The following RALA variants were observed in gnomAD, a reference collection of about 807,000 sequenced individuals.
RALA encodes the protein RAS like proto-oncogene A, also known as ras-related protein Ral-A.
Under a neutral mutation model 24.0 loss-of-function variants are expected in RALA, and 5 were observed. That is an observed-to-expected ratio of 0.21 (90% CI 0.11 to 0.44). The LOEUF is 0.44. RALA is among the 20% of genes least tolerant of loss of function. The probability of loss-of-function intolerance (pLI) is 0.99; values close to 1 mark genes in which losing one functional copy is unlikely to be tolerated. For missense variants in RALA, 95 were observed against 241.2 expected (o/e 0.39, Z 4.01); for synonymous variants, 77 against 83.8 (o/e 0.92, Z 0.44).
chr7:39,707,275 G>C lies in RALA; in HGVS notation c.*1030G>C, dbSNP rs1793134627. 1 of 152,194 alleles carries C rather than the reference G, an allele frequency of 6.6e-6. No homozygotes were observed. Among genetic ancestry groups the C allele is most frequent in the South Asian group, 2.1e-4 (1 of 4,824 alleles). The allele number at this position is 152,194 out of a possible 1,614,324, so 9.4% of individuals were successfully genotyped here. On this transcript the variant is annotated 3_prime_UTR_variant, in exon 5 of 5. Transcript: ENST00000005257. ...AGCAGGGCATAGGAAGAAAATGTCA[G>C]TAGTGCTAATGCATTTTGCACTAGA...
intron 1 of RALA, among the ~76,000 whole-genome samples, chr7:39,641,340 T>G (rs773313234): frequency 6.6e-6 from 1 of 152,260 alleles, no homozygotes; most frequent in Non-Finnish European, 1.5e-5. Flanking sequence ...ATTTTCATAT[T>G]GAAACAAACA....
chr7:39,627,005 G>A (rs1440734672), intron 1 of RALA, among the ~76,000 whole-genome samples: 1 of 133,222 alleles, frequency 7.5e-6, no homozygotes, highest in African/African-American at 3.0e-5. Context: ...TCCCTCCTAA[G>A]CCTGTGCACT....
intron 3 of RALA, among the ~76,000 whole-genome samples, chr7:39,691,751 A>G (rs1221592454): frequency 6.6e-6 from 1 of 152,204 alleles, no homozygotes; most frequent in Non-Finnish European, 1.5e-5. Flanking sequence ...GGTTTCTATG[A>G]GGAAGAAATT....
Position 39,685,456 on chromosome 7 carries a change from A to G in RALA, c.-37-1175A>G, listed in dbSNP as rs80259875. ...AACAAGTCAAAGAGTTGCTGAGGACAAGGGGTGCAACCCCCTCAACCCCCA... is the reference window on the plus strand; with the variant it reads ...AACAAGTCAAAGAGTTGCTGAGGACGAGGGGTGCAACCCCCTCAACCCCCA... On this transcript the variant is annotated intron_variant, in intron 1 of 4. Transcript: ENST00000005257. 8.3e-3 allele frequency among the ~76,000 whole-genome samples: 1,261 copies of G among 152,340 alleles called. 14 individuals carry two copies. Among genetic ancestry groups the G allele is most frequent in the African/African-American group, 0.028 (1,182 of 41,572 alleles).
intron 1 of RALA, among the ~76,000 whole-genome samples, chr7:39,682,544 A>G (rs1383174358): frequency 6.6e-6 from 1 of 152,158 alleles, no homozygotes; most frequent in African/African-American, 2.4e-5. Context: ...GCTTTTTGTG[A>G]TTTGGCCTCT....
intron 2 of RALA, among the ~76,000 whole-genome samples, chr7:39,688,171 AG>A (rs1792742555): frequency 6.6e-6 from 1 of 152,220 alleles, no homozygotes; most frequent in Non-Finnish European, 1.5e-5. Context: ...GGGAAGGCGT[AG>A]GCTGGAGAAT....
chr7:39,633,533 A>G (rs1426020663), intron 1 of RALA, among the ~76,000 whole-genome samples: 1 of 152,212 alleles, frequency 6.6e-6, no homozygotes, highest in Non-Finnish European at 1.5e-5. Flanking sequence ...AACTGCTTCC[A>G]TGATCCAGTC....
intron 1 of RALA, among the ~76,000 whole-genome samples, chr7:39,651,241 G>T (rs564067769): frequency 6.6e-6 from 1 of 152,222 alleles, no homozygotes; most frequent in Non-Finnish European, 1.5e-5. Flanking sequence ...GGTAGGCTAG[G>T]TGTATTAAAT....
At chr7:39,704,104 T>C (rs887944197) in intron 4 of RALA, among the ~76,000 whole-genome samples, 1 of 147,234 alleles carries the variant, frequency 6.8e-6, no homozygotes, top group Non-Finnish European at 1.5e-5. Context: ...AGGCAGAGGT[T>C]GCAGTGAGCT....
intron 1 of RALA, among the ~76,000 whole-genome samples, chr7:39,647,137 G>T (rs1791939810): frequency 6.6e-6 from 1 of 152,042 alleles, no homozygotes; most frequent in African/African-American, 2.4e-5. Flanking sequence ...CGACCTCCCG[G>T]GCTCGAGCAA....
chr7:39,641,434 A>G (rs1791815215), intron 1 of RALA, among the ~76,000 whole-genome samples: 3 of 152,352 alleles, frequency 2.0e-5, no homozygotes, highest in South Asian at 4.1e-4. Context: ...ATCAACAATG[A>G]TAACAACTTG....
At position 39,677,323 on chromosome 7, in the gene RALA, C is replaced by T. The variant is rs190053360; in HGVS notation, c.-37-9308C>T. On this transcript the variant is annotated intron_variant, in intron 1 of 4. Transcript: ENST00000005257. ...TGCGGTGTTTGGTTTTTTGTTCTTG[C>T]GATAGTTTACTGAGAATGATGGTTT... 1.5e-3 allele frequency among the ~76,000 whole-genome samples: 219 copies of T among 150,890 alleles called. 1 individual carries two copies. Among genetic ancestry groups the T allele is most frequent in the Admixed American group, 3.4e-3 (51 of 15,150 alleles).
chr7:39,658,531 G>A (rs1239747514), intron 1 of RALA, among the ~76,000 whole-genome samples: 1 of 152,004 alleles, frequency 6.6e-6, no homozygotes, highest in Non-Finnish European at 1.5e-5. Context: ...AATATACACA[G>A]TGATGATTTT....
chr7:39,675,551 G>A (rs1199066855), intron 1 of RALA, among the ~76,000 whole-genome samples: 5 of 152,054 alleles, frequency 3.3e-5, no homozygotes, highest in Non-Finnish European at 5.9e-5. Flanking sequence ...GGGCAACACA[G>A]ACCCTGTCTC....
intron 1 of RALA, among the ~76,000 whole-genome samples, chr7:39,644,228 T>C (rs1791888080): frequency 6.6e-6 from 1 of 152,018 alleles, no homozygotes; most frequent in African/African-American, 2.4e-5. Flanking sequence ...TTTGTATGTG[T>C]TAAGAGTTAA....
At chr7:39,687,641 A>T (rs969244808) in intron 2 of RALA, among the ~76,000 whole-genome samples, 4 of 152,196 alleles carry the variant, frequency 2.6e-5, no homozygotes, top group African/African-American at 7.2e-5. Flanking sequence ...CCCTGCAGGA[A>T]TGTTATCAAG....
intron 1 of RALA, among the ~76,000 whole-genome samples, chr7:39,630,309 CCCA>C (rs750948456): frequency 6.7e-6 from 1 of 150,080 alleles, no homozygotes; most frequent in Non-Finnish European, 1.5e-5. Flanking sequence ...ACTTCAGCTT[CCCA>C]CAGTGCTGGA....
chr7:39,694,520 C>A (rs992543529), intron 3 of RALA, among the ~76,000 whole-genome samples: 2 of 152,142 alleles, frequency 1.3e-5, no homozygotes, highest in African/African-American at 4.8e-5. Flanking sequence ...GTTTCCTCAT[C>A]TGTAGGACAA....
At chr7:39,697,170 T>C (rs1792935989) in intron 4 of RALA, among the ~76,000 whole-genome samples, 1 of 152,140 alleles carries the variant, frequency 6.6e-6, no homozygotes, top group African/African-American at 2.4e-5. Flanking sequence ...AGGAATCGTG[T>C]GAGTCCCAAG....
Sources: allele counts gnomAD v4.1 joint callset (sites outside exome capture counted in the v4.1 genomes callset), GRCh38; gene constraint gnomAD v4.1.1; transcripts MANE v1.5; gene names NCBI Gene and HGNC (gene_info 2026-07-23, HGNC 2026-07-21).